MSR1: variants seen among roughly 807,000 people sequenced by gnomAD.
MSR1 encodes macrophage scavenger receptor types I and II.
A neutral mutation model predicts 47.2 loss-of-function variants in MSR1; 53 were observed. That is an observed-to-expected ratio of 1.12 (90% CI 0.90 to 1.41). The LOEUF (loss-of-function observed/expected upper bound fraction) is 1.41. MSR1 is among the 40% of genes most tolerant of loss of function. The pLI, the probability that MSR1 is intolerant of heterozygous loss-of-function variation, is 0.00. For synonymous variants in MSR1, 239 were observed against 185.6 expected (o/e 1.29, Z -2.34); for missense variants, 786 against 546.9 (o/e 1.44, Z -4.36).
At chr8:16,118,277 G>C (rs752185167) in intron 9 of MSR1, among the ~76,000 whole-genome samples, 1 of 152,160 alleles carries the variant, frequency 6.6e-6, no homozygotes, top group African/African-American at 2.4e-5. Flanking sequence ...AGGTGACTAA[G>C]AGCATGGATA....
rs376192775 is a variant in MSR1, at chr8:16,175,611, T to C, written c.104-311A>G. Reference sequence around the variant, plus strand: ...AAATTTTAATATCGACACTTACATATACAAACATAAATTTTATTCAATGTT... The same window carrying C: ...AAATTTTAATATCGACACTTACATACACAAACATAAATTTTATTCAATGTT... On this transcript the variant is annotated intron_variant, in intron 2 of 9. Coordinates refer to ENST00000262101, the MANE Select transcript of MSR1 (RefSeq NM_138715.3). Among the ~76,000 whole-genome samples the C allele has an allele frequency of 1.7e-3, 258 of 152,358 alleles. 2 individuals are homozygous for C. Among genetic ancestry groups the C allele is most frequent in the African/African-American group, 5.8e-3 (243 of 41,586 alleles).
intron 8 of MSR1, among the ~76,000 whole-genome samples, chr8:16,122,652 T>G (rs1427849200): frequency 6.6e-6 from 1 of 152,012 alleles, no homozygotes; most frequent in Non-Finnish European, 1.5e-5. Flanking sequence ...GGACCACACT[T>G]TGAGAACCAC....
intron 1 of MSR1, among the ~76,000 whole-genome samples, chr8:16,185,318 C>A (rs1292130486): frequency 6.6e-6 from 1 of 152,100 alleles, no homozygotes; most frequent in Admixed American, 6.6e-5. Context: ...GCCAATATAG[C>A]CAAACCAGAT....
At chr8:16,147,115 A>G (rs1228669671) in intron 7 of MSR1, among the ~76,000 whole-genome samples, 2 of 152,224 alleles carry the variant, frequency 1.3e-5, no homozygotes, top group African/African-American at 4.8e-5. Flanking sequence ...AAGGTAGAAC[A>G]GAACCTTCTA....
intron 8 of MSR1, among the ~76,000 whole-genome samples, chr8:16,121,763 A>G (rs1292289749): frequency 6.6e-6 from 1 of 151,898 alleles, no homozygotes; most frequent in African/African-American, 2.4e-5. Flanking sequence ...TAATTTTCAT[A>G]ACAAAAATAT....
chr8:16,119,029 T>C (rs1016029643), intron 9 of MSR1, among the ~76,000 whole-genome samples: 5 of 152,254 alleles, frequency 3.3e-5, no homozygotes, highest in South Asian at 2.1e-4. Flanking sequence ...AAGCTGTTTA[T>C]TTCCTTTGTT....
rs558569317 is a variant in MSR1 at position 16,176,333 on chromosome 8, C to T, written c.104-1033G>A. ...ACCAGCCTGGGCAACATGGAGAAAC[C>T]CTGGCTCTACAAAAACTACAAAAAT... is the stretch of plus-strand genomic sequence containing the variant. On this transcript the variant is annotated intron_variant, in intron 2 of 9. Coordinates refer to ENST00000262101, the MANE Select transcript of MSR1 (RefSeq NM_138715.3). Among the ~76,000 whole-genome samples the T allele has an allele frequency of 2.6e-5, 4 of 151,932 alleles. No individual in the cohort carries two copies. The South Asian group carries it at 6.3e-4, about 24-fold the overall frequency.
At chr8:16,188,534 T>G (rs933603025) in intron 1 of MSR1, among the ~76,000 whole-genome samples, 6 of 152,080 alleles carry the variant, frequency 3.9e-5, no homozygotes, top group African/African-American at 1.2e-4. Context: ...GGGATACACG[T>G]GCAGAACGTG....
chr8:16,140,920 A>G, intron 8 of MSR1: 1 of 1,611,682 alleles, frequency 6.2e-7, no homozygotes, highest in South Asian at 1.1e-5. Flanking sequence ...CTTGGAAGTC[A>G]GTTGTGCAGA....
intron 9 of MSR1, among the ~76,000 whole-genome samples, chr8:16,115,632 A>G (rs530047195): frequency 6.6e-6 from 1 of 152,006 alleles, no homozygotes; most frequent in Non-Finnish European, 1.5e-5. Flanking sequence ...TAAAATTCTC[A>G]TAATTATTCT....
At chr8:16,173,212 C>T (rs1032602082) in intron 3 of MSR1, among the ~76,000 whole-genome samples, 1 of 152,114 alleles carries the variant, frequency 6.6e-6, no homozygotes, top group African/African-American at 2.4e-5. Flanking sequence ...AATGTGTTGA[C>T]TTGGTAGTAT....
At chr8:16,116,127 G>T (rs1799871753) in intron 9 of MSR1, among the ~76,000 whole-genome samples, 1 of 152,208 alleles carries the variant, frequency 6.6e-6, no homozygotes, top group South Asian at 2.1e-4. Flanking sequence ...AACACAGTTT[G>T]TGTTGCTGCT....
chr8:16,162,403 A>G (rs1801186563), intron 5 of MSR1, among the ~76,000 whole-genome samples: 1 of 152,110 alleles, frequency 6.6e-6, no homozygotes, highest in Non-Finnish European at 1.5e-5. Flanking sequence ...TACTTCAGGC[A>G]GAAGGAAAAT....
chr8:16,173,893 C>T (rs936607560), intron 3 of MSR1, among the ~76,000 whole-genome samples: 4 of 152,160 alleles, frequency 2.6e-5, no homozygotes, highest in Non-Finnish European at 5.9e-5. Flanking sequence ...TCGTGATCTG[C>T]CCGCCTCGGC....
chr8:16,178,286 G>C (rs564178655), intron 1 of MSR1, among the ~76,000 whole-genome samples: 6 of 136,222 alleles, frequency 4.4e-5, no homozygotes, highest in Non-Finnish European at 9.1e-5. Flanking sequence ...CCCAGTGTGT[G>C]ACGTTCCCCT....
intron 8 of MSR1, among the ~76,000 whole-genome samples, chr8:16,134,560 C>G (rs538871827): frequency 1.3e-5 from 2 of 152,204 alleles, no homozygotes; most frequent in African/African-American, 4.8e-5. Context: ...CCTCAGGCAT[C>G]CCTATTCCCT....
intron 9 of MSR1, among the ~76,000 whole-genome samples, chr8:16,111,449 T>C (rs1799754223): frequency 6.6e-6 from 1 of 152,156 alleles, no homozygotes; most frequent in East Asian, 1.9e-4. Context: ...TTGTATTTTG[T>C]AGGTCTACTC....
At position 16,109,903 on chromosome 8, in the gene MSR1, T is replaced by C; in HGVS notation, c.*182A>G. On this transcript the variant is annotated 3_prime_UTR_variant, in exon 10 of 10. Coordinates refer to ENST00000262101, the MANE Select transcript of MSR1 (RefSeq NM_138715.3). Reference sequence around the variant, plus strand: ...TAAAAACCTATAGAAGTTAAAATGATTTAAATATAGACATAAAATAGTAAG... The same window carrying C: ...TAAAAACCTATAGAAGTTAAAATGACTTAAATATAGACATAAAATAGTAAG... The C allele has an allele frequency of 1.4e-6, 1 of 689,906 alleles. No homozygotes were observed. Among genetic ancestry groups the C allele is most frequent in the Non-Finnish European group, 2.4e-6 (1 of 422,144 alleles). 42.7% of individuals were successfully genotyped at this position (689,906 alleles called of 1,614,324 possible). A position where few individuals can be genotyped will look rare whatever the true frequency, so the allele number is the denominator to read the frequency against.
chr8:16,172,619 A>C (rs904287319), intron 3 of MSR1, among the ~76,000 whole-genome samples: 3 of 152,198 alleles, frequency 2.0e-5, no homozygotes, highest in African/African-American at 7.2e-5. Context: ...TTATCTTTTC[A>C]TACCCCAAAT....
Sources: allele counts gnomAD v4.1 joint callset (sites outside exome capture counted in the v4.1 genomes callset), GRCh38; gene constraint gnomAD v4.1.1; transcripts MANE v1.5; gene names NCBI Gene and HGNC (gene_info 2026-07-23, HGNC 2026-07-21).